Variants in RAB38 observed in about 807,000 individuals in gnomAD.
RAB38 encodes the protein RAB38, member RAS oncogene family, also known as ras-related protein Rab-38.
A neutral mutation model predicts 18.4 loss-of-function variants in RAB38; 15 were observed. The ratio of observed to expected loss-of-function variants is 0.82; its 90% confidence interval spans 0.55 to 1.26. RAB38 has a LOEUF of 1.26. RAB38 is among the 50% of genes most tolerant of loss of function. The pLI, the probability that RAB38 is intolerant of heterozygous loss-of-function variation, is 0.00. For synonymous variants in RAB38, 101 were observed against 104.4 expected, an observed-to-expected ratio of 0.97 and a Z score of 0.20; for missense variants, 294 against 267.4, an observed-to-expected ratio of 1.10 and a Z score of -0.69.
At chr11:87,841,568 G>A in the RAB38 span, among the ~76,000 whole-genome samples, 36 of 152,262 alleles carry the variant, frequency 2.4e-4, no homozygotes, top group South Asian at 7.3e-3. Flanking sequence ...GCAGAAGAGT[G>A]TGTATTCTCT....
the RAB38 span, among the ~76,000 whole-genome samples, chr11:87,947,370 T>C: frequency 7.3e-6 from 1 of 136,452 alleles, no homozygotes. Flanking sequence ...TTTCTTTTGC[T>C]GTGCAGAAGC....
intron 2 of RAB38, among the ~76,000 whole-genome samples, chr11:88,145,531 A>T (rs894636837): frequency 6.6e-6 from 1 of 152,150 alleles, no homozygotes; most frequent in Non-Finnish European, 1.5e-5. Context: ...CAACTGATGG[A>T]GATTCAGGCA....
chr11:88,032,449 C>T, the RAB38 span, among the ~76,000 whole-genome samples: 3 of 152,238 alleles, frequency 2.0e-5, no homozygotes, highest in East Asian at 3.9e-4. Context: ...AGGCAACCTA[C>T]AAAATGGGAG....
At chr11:87,937,396 ATTGGT>A in the RAB38 span, among the ~76,000 whole-genome samples, 18 of 143,414 alleles carry the variant, frequency 1.3e-4, no homozygotes, top group East Asian at 3.5e-3. Context: ...TTATGAGGAT[ATTGGT>A]TTGTAGATTG....
chr11:88,158,361 T>C (rs1167102660), intron 1 of RAB38, among the ~76,000 whole-genome samples: 2 of 152,016 alleles, frequency 1.3e-5, no homozygotes, highest in African/African-American at 4.8e-5. Context: ...CAAAAAAGAC[T>C]TGGTATCAAT....
the RAB38 span, among the ~76,000 whole-genome samples, chr11:88,079,050 A>C: frequency 6.6e-6 from 1 of 151,848 alleles, no homozygotes; most frequent in South Asian, 2.1e-4. Flanking sequence ...AAAAAAATAG[A>C]GCAAACGAAA....
chr11:87,891,760 G>A, the RAB38 span, among the ~76,000 whole-genome samples: 1 of 151,844 alleles, frequency 6.6e-6, no homozygotes, highest in Non-Finnish European at 1.5e-5. Flanking sequence ...CTATAGATAG[G>A]CCACTAGGAA....
rs34986390 is a variant in RAB38 at position 88,114,846 on chromosome 11, A to T, written c.484-706T>A. 3.4e-3 allele frequency among the ~76,000 whole-genome samples: 511 copies of T among 152,322 alleles called. 2 individuals are homozygous for T. The highest frequency in any genetic ancestry group is 0.011 in the African/African-American group (474 of 41,570). On this transcript the variant is annotated intron_variant, in intron 2 of 2. Coordinates refer to ENST00000243662, the MANE Select transcript of RAB38 (RefSeq NM_022337.3). ...GCAAGTATCCCAATCAGCCCATGCT[A>T]TGTAGTGTGCATGAGAATGATGATC...
the RAB38 span, among the ~76,000 whole-genome samples, chr11:87,921,349 C>T: frequency 5.9e-5 from 9 of 151,858 alleles, no homozygotes; most frequent in Non-Finnish European, 1.3e-4. Context: ...TAAGGGTAAA[C>T]AGCCAATACA....
At chr11:88,033,767 G>A in the RAB38 span, among the ~76,000 whole-genome samples, 115 of 120,314 alleles carry the variant, frequency 9.6e-4, no homozygotes, top group Non-Finnish European at 1.3e-3. Flanking sequence ...TCGCTCTGTC[G>A]CCCAGGCTGG....
At chr11:88,029,780 G>A in the RAB38 span, among the ~76,000 whole-genome samples, 94 of 152,040 alleles carry the variant, frequency 6.2e-4, no homozygotes, top group Non-Finnish European at 4.7e-4. Flanking sequence ...CATTAATAAT[G>A]GGAGACTTTA....
chr11:87,954,387 C>A, the RAB38 span, among the ~76,000 whole-genome samples: 1 of 152,124 alleles, frequency 6.6e-6, no homozygotes, highest in Non-Finnish European at 1.5e-5. Flanking sequence ...CAGATAAAGA[C>A]TACTTTTTCA....
chr11:88,079,533 T>C, the RAB38 span, among the ~76,000 whole-genome samples: 1 of 151,836 alleles, frequency 6.6e-6, no homozygotes, highest in South Asian at 2.1e-4. Flanking sequence ...TTGAAGAAGA[T>C]GGAATACTGG....
At chr11:87,978,199 G>GTATATATTATATATGAAGA in the RAB38 span, among the ~76,000 whole-genome samples, 58 of 2,786 alleles carry the variant, frequency 0.021, 1 homozygote, top group South Asian at 0.077. Context: ...AAATATATAG[G>GTATATATTATATATGAAGA]TGTNNNNNNN....
the RAB38 span, among the ~76,000 whole-genome samples, chr11:88,004,634 GC>G: frequency 1.3e-5 from 2 of 151,162 alleles, no homozygotes; most frequent in East Asian, 3.9e-4. Flanking sequence ...GTTAGTCATT[GC>G]ATAAAAGAAG....
chr11:88,083,302 G>A, the RAB38 span, among the ~76,000 whole-genome samples: 1 of 151,536 alleles, frequency 6.6e-6, no homozygotes, highest in Non-Finnish European at 1.5e-5. Context: ...ATAATAATAT[G>A]TGCATTATAT....
the RAB38 span, among the ~76,000 whole-genome samples, chr11:87,898,135 C>G: frequency 1.1e-4 from 17 of 151,632 alleles, no homozygotes; most frequent in African/African-American, 3.9e-4. Context: ...CTCAGCACAT[C>G]ATAGGGACAG....
the RAB38 span, among the ~76,000 whole-genome samples, chr11:88,020,648 A>C: frequency 2.6e-5 from 4 of 152,180 alleles, no homozygotes; most frequent in Admixed American, 2.6e-4. Context: ...TGCAGAACAC[A>C]CATTTTTCTC....
intron 2 of RAB38, among the ~76,000 whole-genome samples, chr11:88,144,584 T>C (rs1307091827): frequency 6.6e-6 from 1 of 152,224 alleles, no homozygotes; most frequent in Non-Finnish European, 1.5e-5. Context: ...ATATTCCTTT[T>C]CTCAGCAGAA....
Sources: gnomAD v4.1 joint callset for allele counts (sites outside exome capture counted in the v4.1 genomes callset) on GRCh38, gnomAD v4.1.1 for gene constraint, MANE v1.5 for transcripts, NCBI Gene and HGNC (gene_info 2026-07-23, HGNC 2026-07-21) for gene names.